GABRG1: variants seen among roughly 807,000 people sequenced by gnomAD.
GABRG1 encodes the protein gamma-aminobutyric acid receptor subunit gamma-1.
A neutral mutation model predicts 49.8 loss-of-function variants in GABRG1; 49 were observed. The observed-to-expected ratio is 0.98, with a 90% CI of 0.78 to 1.25. The LOEUF (loss-of-function observed/expected upper bound fraction) is 1.25, where lower values mean the gene tolerates loss of function less well. Ranked by LOEUF, GABRG1 falls within the 50% of genes most tolerant of loss-of-function variation. The pLI is 0.00. For missense variants in GABRG1, 552 were observed against 552.3 expected, an observed-to-expected ratio of 1.00 and a Z score of 0.01; for synonymous variants, 232 against 185.1, an observed-to-expected ratio of 1.25 and a Z score of -2.06.
chr4:46,122,788 T>C (rs928626145), intron 1 of GABRG1, among the ~76,000 whole-genome samples: 1 of 152,134 alleles, frequency 6.6e-6, no homozygotes, highest in African/African-American at 2.4e-5. Context: ...TACTTTACTT[T>C]TGAATTCTAT....
At chr4:46,041,625 T>C (rs1452470335) in intron 8 of GABRG1, among the ~76,000 whole-genome samples, 1 of 152,016 alleles carries the variant, frequency 6.6e-6, no homozygotes, top group Non-Finnish European at 1.5e-5. Flanking sequence ...TTATATATTA[T>C]TTATCGACTT....
At chr4:46,051,805 G>T (rs1040608741) in intron 7 of GABRG1, among the ~76,000 whole-genome samples, 167 bp from the exon 8 acceptor site, 1 of 151,872 alleles carries the variant, frequency 6.6e-6, no homozygotes, top group Non-Finnish European at 1.5e-5. Flanking sequence ...TGTGTCCAAT[G>T]TGCTCTTTGT....
chr4:46,117,566 C>G (rs1720938800), intron 1 of GABRG1, among the ~76,000 whole-genome samples: 1 of 141,746 alleles, frequency 7.1e-6, no homozygotes, highest in African/African-American at 2.8e-5. Context: ...CTCTCTCTCT[C>G]TCTCTCTCTC....
At chr4:46,094,665 C>T (rs1227797103) in intron 2 of GABRG1, among the ~76,000 whole-genome samples, 1 of 151,788 alleles carries the variant, frequency 6.6e-6, no homozygotes, top group Non-Finnish European at 1.5e-5. Context: ...AGGGGAGTAC[C>T]TCATGCTTCT....
rs993769247 is a variant in GABRG1, at chr4:46,041,189, T to C, written c.1197A>G (p.Glu399=). 6.8e-6 allele frequency: 11 copies of C among 1,612,804 alleles called. No individual in the cohort carries two copies. The highest frequency in any genetic ancestry group is 8.5e-6 in the Non-Finnish European group (10 of 1,179,144). ...CCAAACACTGATACCCATAATCATC[T>C]TCTTGCGGCACAGAAATATTATTCA... ...IPMNNISVPQ[E]DDYGYQCLEG... is the part of the protein sequence containing the mutation. The change falls in exon 9 of 9, where the codon GAA becomes GAG. Residue 399 remains glutamate, a synonymous_variant. Coordinates refer to ENST00000295452, the MANE Select transcript of GABRG1 (RefSeq NM_173536.4).
At chr4:46,050,018 C>T (rs991236881) in intron 8 of GABRG1, among the ~76,000 whole-genome samples, 2 of 151,764 alleles carry the variant, frequency 1.3e-5, no homozygotes, top group Admixed American at 6.6e-5. Context: ...AGGCAATAAT[C>T]CAACATAGAT....
rs1182728759 is a variant in GABRG1, at chr4:46,054,973, T to C, written c.916+3244A>G. ...CAGTTTTTGCCCATTCAGTATGATATTGGCTGTGGGTTTGTCATAAAAACC... is the reference window on the plus strand; with the variant it reads ...CAGTTTTTGCCCATTCAGTATGATACTGGCTGTGGGTTTGTCATAAAAACC... On this transcript the variant is annotated intron_variant, in intron 7 of 8. Coordinates refer to ENST00000295452, the MANE Select transcript of GABRG1 (RefSeq NM_173536.4). Among the ~76,000 whole-genome samples, 8 of 94,496 alleles carry C rather than the reference T, an allele frequency of 8.5e-5. 3 individuals carry two copies. The highest frequency in any genetic ancestry group is 5.9e-4 in the South Asian group (2 of 3,414). The allele number at this position is 94,496 out of a possible 152,430, so 62.0% of individuals were successfully genotyped here.
chr4:46,041,157 T>G lies in GABRG1; in HGVS notation c.1229A>C (p.Lys410Thr). ...DDYGYQCLEG[K>T]DCASFFCCFE... is the part of the protein sequence containing the mutation. Reference sequence around the variant, plus strand: ...GCAACAGAAGAAGCTGGCACAATCTTTGCCCTCCAAACACTGATACCCATA... The same window carrying G: ...GCAACAGAAGAAGCTGGCACAATCTGTGCCCTCCAAACACTGATACCCATA... The change falls in exon 9 of 9, where the codon AAA becomes ACA. Residue 410 changes from lysine to threonine, a missense_variant. By Grantham distance (78) the Lys-to-Thr change is moderately conservative. Coordinates refer to ENST00000295452, the MANE Select transcript of GABRG1 (RefSeq NM_173536.4). The G allele has an allele frequency of 2.5e-6, 4 of 1,613,126 alleles. No homozygotes were observed. Among genetic ancestry groups the G allele is most frequent in the Non-Finnish European group, 3.4e-6 (4 of 1,179,374 alleles).
intron 3 of GABRG1, among the ~76,000 whole-genome samples, chr4:46,079,508 G>A (rs1719483958): frequency 6.6e-6 from 1 of 151,818 alleles, no homozygotes; most frequent in Admixed American, 6.6e-5. Flanking sequence ...ATGCGAACTG[G>A]GATCTAAGTA....
At chr4:46,101,623 A>G (rs531621474) in intron 1 of GABRG1, among the ~76,000 whole-genome samples, 3 of 151,864 alleles carry the variant, frequency 2.0e-5, no homozygotes, top group Admixed American at 2.0e-4. Context: ...ATCTTGATCT[A>G]GATGGTCTCA....
intron 3 of GABRG1, among the ~76,000 whole-genome samples, chr4:46,065,840 A>G (rs1718897935): frequency 6.6e-6 from 1 of 152,010 alleles, no homozygotes; most frequent in Non-Finnish European, 1.5e-5. Flanking sequence ...CTCCTGCCTC[A>G]GCCTCCGGAG....
intron 3 of GABRG1, among the ~76,000 whole-genome samples, chr4:46,077,313 A>T (rs1719388021): frequency 6.6e-6 from 1 of 151,986 alleles, no homozygotes; most frequent in Non-Finnish European, 1.5e-5. Flanking sequence ...TAGCAATAAA[A>T]TATTTTTAAA....
intron 2 of GABRG1, among the ~76,000 whole-genome samples, chr4:46,094,204 G>A (rs1400286330): frequency 6.6e-6 from 1 of 151,808 alleles, no homozygotes; most frequent in East Asian, 1.9e-4. Flanking sequence ...GAGAAAAGTA[G>A]AAGTAAACAA....
intron 3 of GABRG1, among the ~76,000 whole-genome samples, chr4:46,082,014 C>T (rs1244699408): frequency 6.6e-6 from 1 of 151,720 alleles, no homozygotes; most frequent in Non-Finnish European, 1.5e-5. Context: ...GTTGTGGCAA[C>T]CCTAGTGAAC....
chr4:46,048,730 A>T (rs6839425), intron 8 of GABRG1, among the ~76,000 whole-genome samples: 76,562 of 151,464 alleles, frequency 0.51, 19,928 homozygotes, highest in African/African-American at 0.62. Flanking sequence ...AAAGCGAGCA[A>T]AAAAGACAAA....
At chr4:46,079,685 T>C (rs1719495661) in intron 3 of GABRG1, among the ~76,000 whole-genome samples, 1 of 151,886 alleles carries the variant, frequency 6.6e-6, no homozygotes, top group Admixed American at 6.6e-5. Context: ...TCTTATACTG[T>C]AGCCTCCTGT....
intron 3 of GABRG1, among the ~76,000 whole-genome samples, chr4:46,067,960 AT>A (rs1718980186): frequency 6.6e-6 from 1 of 152,122 alleles, no homozygotes; most frequent in African/African-American, 2.4e-5. Flanking sequence ...CACTGAAGTT[AT>A]CATTAATCCC....
chr4:46,076,482 T>A (rs1460690550), intron 3 of GABRG1, among the ~76,000 whole-genome samples: 1 of 148,456 alleles, frequency 6.7e-6, no homozygotes, highest in Non-Finnish European at 1.5e-5. Context: ...TTCTGATAAA[T>A]AAATGGGTAA....
intron 8 of GABRG1, among the ~76,000 whole-genome samples, chr4:46,042,104 T>C (rs573100949): frequency 1.3e-5 from 2 of 152,098 alleles, no homozygotes; most frequent in South Asian, 4.1e-4. Context: ...ATTGTAGGTT[T>C]GCTTGATTAT....
Sources: allele counts gnomAD v4.1 joint callset (sites outside exome capture counted in the v4.1 genomes callset), GRCh38; gene constraint gnomAD v4.1.1; transcripts MANE v1.5; gene names NCBI Gene and HGNC (gene_info 2026-07-23, HGNC 2026-07-21).